The following SSRP1 variants were observed in gnomAD, a reference collection of about 807,000 sequenced individuals.
SSRP1 encodes the protein FACT complex subunit SSRP1.
Under a neutral mutation model 84.4 loss-of-function variants are expected in SSRP1, and 21 were observed. The ratio of observed to expected loss-of-function variants is 0.25; its 90% CI spans 0.18 to 0.36. The LOEUF (loss-of-function observed/expected upper bound fraction) is 0.36, where lower values mean the gene tolerates loss of function less well. Among genes scored for constraint, SSRP1 ranks in the 10% least tolerant of loss-of-function variants. The pLI is 1.00. For synonymous variants in SSRP1, 319 were observed against 318.3 expected, an observed-to-expected ratio of 1.00 and a Z score of -0.02; for missense variants, 519 against 900.8, an observed-to-expected ratio of 0.58 and a Z score of 5.43.
Position 57,330,585 on chromosome 11 carries a change from G to C in SSRP1, c.1297-156C>G, listed in dbSNP as rs1856069097. On this transcript the variant is annotated intron_variant, in intron 10 of 16. Coordinates refer to ENST00000278412, the MANE Select transcript of SSRP1 (RefSeq NM_003146.3). The surrounding 1 kb of genome is among the most constrained non-coding windows in gnomAD (Gnocchi z 4.0). The stretch of plus-strand genomic sequence containing the variant: ...CACACAGCCAACGTGCAGGGCCTAT[G>C]CCCAAGTACTTCCTGCCAACTGGGT... The C allele has an allele frequency of 1.1e-5, 15 of 1,427,418 alleles. No homozygotes were observed. The highest frequency in any genetic ancestry group is 1.4e-5 in the Non-Finnish European group (15 of 1,085,712). The allele number at this position is 1,427,418 out of a possible 1,614,324, so 88.4% of individuals were successfully genotyped here.
At position 57,333,038 on chromosome 11, in the gene SSRP1, T is replaced by G. The variant is rs201361828; in HGVS notation, c.458A>C (p.Asn153Thr). Reference protein sequence around the residue: ...KNEVTLEFHQNDDAEVSLMEV... With the variant: ...KNEVTLEFHQTDDAEVSLMEV... ...CATGAGAGACACCTCTGCGTCATCG[T>G]TTTGGTGGAATTCCAGTGTCACCTC... Residue 153 changes from asparagine (N) to threonine (T), a missense_variant, in exon 5 of 17, where the codon AAC (asparagine) becomes ACC (threonine). Around this residue, in one of 7 missense-constraint regions of SSRP1, gnomAD observed 159 missense variants for 359.0 expected, o/e 0.44. Transcript: ENST00000278412. The G allele has an allele frequency of 7.4e-5, 119 of 1,614,022 alleles. No homozygotes were observed. The highest frequency in any genetic ancestry group is 9.4e-5 in the Non-Finnish European group (111 of 1,180,040).
chr11:57,333,575 A>C (rs773415507), intron 3 of SSRP1, 35 bp from the exon 4 acceptor site: 2 of 1,524,830 alleles, frequency 1.3e-6, no homozygotes, highest in South Asian at 2.2e-5. Context: ...AATCCCAGTA[A>C]ACCTTGGTGG....
chr11:57,333,173 C>A, intron 4 of SSRP1, 24 bp from the exon 5 acceptor site: 4 of 1,587,814 alleles, frequency 2.5e-6, no homozygotes, highest in Non-Finnish European at 3.4e-6. Flanking sequence ...GCTTATCCAG[C>A]CACAAGCTCC....
In SSRP1 at chr11:57,327,862, G is replaced by A. The variant is rs757746538; in HGVS notation, c.1632C>T (p.Pro544=). 7 of 1,614,016 alleles carry A rather than the reference G, an allele frequency of 4.3e-6. No homozygotes were observed. The highest frequency in any genetic ancestry group is 5.1e-6 in the Non-Finnish European group (6 of 1,179,982). ...CAGACATGGGCCTCTTGGGGGCATTGGGGTCTTTGCCCTTCTTCACCTACA... is the reference window on the plus strand; with the variant it reads ...CAGACATGGGCCTCTTGGGGGCATTAGGGTCTTTGCCCTTCTTCACCTACA... ...KPVEVKKGKD[P]NAPKRPMSAY... is the part of the protein sequence containing the mutation. The change falls in exon 14 of 17, where the codon CCC becomes CCT. Residue 544 remains proline (P), a synonymous_variant. Transcript: ENST00000278412.
At position 57,327,707 on chromosome 11, in the gene SSRP1, C is replaced by T. The variant is rs1399398608; in HGVS notation, c.1782+5G>A. ...AGGCATCACCCCTCCTCTGCTGCTA[C>T]TCACCTCTTTCTTCTCTTTGGACAT... On this transcript the variant is annotated splice_donor_5th_base_variant and intron_variant, in intron 14 of 16. Coordinates refer to ENST00000278412, the MANE Select transcript of SSRP1 (RefSeq NM_003146.3). 1.9e-6 allele frequency: 3 copies of T among 1,613,938 alleles called. No individual in the cohort carries two copies. In the South Asian group the frequency reaches 3.3e-5, roughly 18 times the overall value.
In SSRP1 at chr11:57,335,534, C is replaced by A. The variant is rs950151117; in HGVS notation, c.-120+196G>T. The A allele has an allele frequency of 6.9e-6, 2 of 291,534 alleles. No homozygotes were observed. The highest frequency in any genetic ancestry group is 8.0e-5 in the East Asian group (1 of 12,450). 18.1% of individuals were successfully genotyped at this position (291,534 alleles called of 1,614,324 possible). ...CAGGAGCCCGCACATCGCACGCGAC[C>A]CAATCCAGCTCAGAGTGCAGGGTTT... On this transcript the variant is annotated intron_variant, in intron 1 of 16. Transcript: ENST00000278412. This position sits in a 1 kb window ranked among gnomAD's most constrained non-coding sequence, Gnocchi z 4.6.
chr11:57,328,175 T>TA, intron 13 of SSRP1, 122 bp downstream of exon 13: 1 of 1,465,192 alleles, frequency 6.8e-7, no homozygotes, highest in Non-Finnish European at 9.2e-7. Context: ...TCACTGGCTA[T>TA]AAAAAACAGC....
At position 57,328,557 on chromosome 11, in the gene SSRP1, C is replaced by T. The variant is rs550813452; in HGVS notation, c.1482-131G>A. 3.4e-5 allele frequency: 44 copies of T among 1,288,242 alleles called. No individual in the cohort carries two copies. In the East Asian group the frequency reaches 4.3e-4, roughly 13 times the overall value. The allele number at this position is 1,288,242 out of a possible 1,614,324, so 79.8% of individuals were successfully genotyped here. On this transcript the variant is annotated intron_variant, in intron 12 of 16. Coordinates refer to ENST00000278412, the MANE Select transcript of SSRP1 (RefSeq NM_003146.3). ...GGGAGGAAGACCAGAGGACAGTATC[C>T]ACCACCAATCCCCAACACTGCTTTC...
rs1856071361 is a variant in SSRP1 at position 57,330,694 on chromosome 11, A to T, written c.1296+161T>A. The T allele has an allele frequency of 6.8e-7, 1 of 1,480,868 alleles. No individual in the cohort carries two copies. Among genetic ancestry groups the T allele is most frequent in the African/African-American group, 1.4e-5 (1 of 71,068 alleles). The allele number at this position is 1,480,868 out of a possible 1,614,324, so 91.7% of individuals were successfully genotyped here. On this transcript the variant is annotated intron_variant, in intron 10 of 16. Coordinates refer to ENST00000278412, the MANE Select transcript of SSRP1 (RefSeq NM_003146.3). This position sits in a 1 kb window ranked among gnomAD's most constrained non-coding sequence, Gnocchi z 4.0. ...CATAGACTGGTCTAAGGTCATGCAGAGGAAACCTGCACCAGGAGGGGGAAA... is the reference window on the plus strand; with the variant it reads ...CATAGACTGGTCTAAGGTCATGCAGTGGAAACCTGCACCAGGAGGGGGAAA...
intron 3 of SSRP1, among the ~76,000 whole-genome samples, chr11:57,334,001 A>C (rs1214669840): frequency 6.6e-6 from 1 of 152,168 alleles, no homozygotes; most frequent in East Asian, 1.9e-4. Context: ...AAATTATTAA[A>C]AATCAGCTGG....
chr11:57,327,679 G>A, intron 14 of SSRP1, 33 bp downstream of exon 14: 6 of 1,610,810 alleles, frequency 3.7e-6, no homozygotes, highest in Non-Finnish European at 5.1e-6. Context: ...GCCAGCCCAT[G>A]AGAGGCATCA....
chr11:57,331,578 G>T, intron 9 of SSRP1, 90 bp downstream of exon 9: 1 of 1,033,724 alleles, frequency 9.7e-7, no homozygotes. Context: ...CTGCTCTAGG[G>T]TTGGAGAGTG....
chr11:57,328,998 T>C (rs528762673), intron 12 of SSRP1: 3 of 152,516 alleles, frequency 2.0e-5, no homozygotes, highest in African/African-American at 7.2e-5. Flanking sequence ...GATAATCAGT[T>C]ACTACAAAAA....
chr11:57,327,411 G>A lies in SSRP1; in HGVS notation c.1871+15C>T, dbSNP rs1856007630. Reference sequence around the variant, plus strand: ...CCACAAAAATCAGTGACTGGGCCATGTTCTCGACACTCACCTCTTAGAAGA... The same window carrying A: ...CCACAAAAATCAGTGACTGGGCCATATTCTCGACACTCACCTCTTAGAAGA... On this transcript the variant is annotated intron_variant, in intron 15 of 16. Coordinates refer to ENST00000278412, the MANE Select transcript of SSRP1 (RefSeq NM_003146.3). The A allele has an allele frequency of 6.2e-7, 1 of 1,611,368 alleles. No individual in the cohort carries two copies. Among genetic ancestry groups the A allele is most frequent in the Non-Finnish European group, 8.5e-7 (1 of 1,178,350 alleles).
chr11:57,326,651 C>A lies in SSRP1; in HGVS notation c.2058+52G>T, dbSNP rs1287277754. The A allele has an allele frequency of 5.0e-6, 8 of 1,594,910 alleles. No homozygotes were observed. The South Asian group carries it at 9.1e-5, about 18-fold the overall frequency. The stretch of plus-strand genomic sequence containing the variant: ...CTCTTACAGACCAACCCCACACAGA[C>A]ACACATGCCCCTCACCCTGCCCAGC... On this transcript the variant is annotated intron_variant, in intron 16 of 16. Coordinates refer to ENST00000278412, the MANE Select transcript of SSRP1 (RefSeq NM_003146.3).
intron 2 of SSRP1, 147 bp downstream of exon 2, chr11:57,334,921 C>A: frequency 1.1e-6 from 1 of 947,132 alleles, no homozygotes. Context: ...CTCAGTATTG[C>A]CTTGAGTTGG....
At position 57,330,638 on chromosome 11, in the gene SSRP1, C is replaced by T; in HGVS notation, c.1297-209G>A. 6.9e-7 allele frequency: 1 copy of T among 1,441,750 alleles called. No individual in the cohort carries two copies. The highest frequency in any genetic ancestry group is 1.5e-5 in the South Asian group (1 of 67,312). The allele number at this position is 1,441,750 out of a possible 1,614,324, so 89.3% of individuals were successfully genotyped here. A position where few individuals can be genotyped will look rare whatever the true frequency, so the allele number is the denominator to read the frequency against. Reference sequence around the variant, plus strand: ...GTCCAAGCCCCAAGCCCCTCCCTCTCCCAGCCCCACTGGGGGCTCCTGAGG... The same window carrying T: ...GTCCAAGCCCCAAGCCCCTCCCTCTTCCAGCCCCACTGGGGGCTCCTGAGG... On this transcript the variant is annotated intron_variant, in intron 10 of 16. Coordinates refer to ENST00000278412, the MANE Select transcript of SSRP1 (RefSeq NM_003146.3). The surrounding 1 kb of genome is among the most constrained non-coding windows in gnomAD (Gnocchi z 4.0).
At chr11:57,334,341 C>A in intron 3 of SSRP1, 122 bp downstream of exon 3, 1 of 1,160,170 alleles carries the variant, frequency 8.6e-7, no homozygotes, top group Non-Finnish European at 1.2e-6. Context: ...GCCTCACAGC[C>A]CTGCTCTAAG....
In SSRP1 at chr11:57,335,212, G is replaced by A. The variant is rs1856187253; in HGVS notation, c.-91C>T. The A allele has an allele frequency of 1.5e-6, 2 of 1,340,916 alleles. No homozygotes were observed. The highest frequency in any genetic ancestry group is 1.7e-5 in the Admixed American group (1 of 59,162). 83.1% of individuals were successfully genotyped at this position (1,340,916 alleles called of 1,614,324 possible). A position where few individuals can be genotyped will look rare whatever the true frequency, so the allele number is the denominator to read the frequency against. On this transcript the variant is annotated 5_prime_UTR_variant, in exon 2 of 17. Coordinates refer to ENST00000278412, the MANE Select transcript of SSRP1 (RefSeq NM_003146.3). This position sits in a 1 kb window ranked among gnomAD's most constrained non-coding sequence, Gnocchi z 4.6. ...GGAGCTGGGCCCCAACTCCTGAGTGGGTGTGCGGATGCTCAGCAGGTTGGG... is the reference window on the plus strand; with the variant it reads ...GGAGCTGGGCCCCAACTCCTGAGTGAGTGTGCGGATGCTCAGCAGGTTGGG...
Sources: gnomAD v4.1 joint callset for allele counts (sites outside exome capture counted in the v4.1 genomes callset) on GRCh38, gnomAD v4.1.1 for gene constraint, gnomAD v4.1.1 regional missense constraint, Gnocchi (gnomAD v3.1) non-coding constraint, MANE v1.5 for transcripts, NCBI Gene and HGNC (gene_info 2026-07-23, HGNC 2026-07-21) for gene names.